SASH1: variants seen among roughly 807,000 people sequenced by gnomAD.
The protein encoded by SASH1 is SAM and SH3 domain-containing protein 1.
SASH1 carries 44 observed loss-of-function variants against 125.2 expected under a neutral mutation model. That is an observed-to-expected ratio of 0.35 (90% CI 0.28 to 0.45). The LOEUF (loss-of-function observed/expected upper bound fraction) is 0.45, where lower values mean the gene tolerates loss of function less well. Among genes scored for constraint, SASH1 ranks in the 20% least tolerant of loss-of-function variants. The pLI is 1.00. For missense variants in SASH1, 1,426 were observed against 1,614.5 expected (o/e 0.88, Z 2.00); for synonymous variants, 639 against 649.1 (o/e 0.98, Z 0.24).
In SASH1 at chr6:148,519,667, A is replaced by T; in HGVS notation, c.983A>T (p.Asp328Val). 6.2e-7 allele frequency: 1 copy of T among 1,613,936 alleles called. No individual in the cohort carries two copies. Among genetic ancestry groups the T allele is most frequent in the Non-Finnish European group, 8.5e-7 (1 of 1,179,988 alleles). Residue 328 changes from aspartate to valine, a missense_variant, in exon 10 of 20, where the codon GAC becomes GTC. This residue lies in a region of SASH1 where 567 missense variants were observed against 575.6 expected (regional missense o/e 0.99). Transcript: ENST00000367467. This position sits in a 1 kb window ranked among gnomAD's most constrained non-coding sequence, Gnocchi z 4.8. Reference sequence around the variant, plus strand: ...TCTCCTGAGAAACCTCCCGAAGATGACTCAGACTCTCTCACCACGTCTCCA... The same window carrying T: ...TCTCCTGAGAAACCTCCCGAAGATGTCTCAGACTCTCTCACCACGTCTCCA... ...DGSPEKPPED[D>V]SDSLTTSPSS...
the SASH1 span, among the ~76,000 whole-genome samples, chr6:148,243,578 G>A: frequency 6.7e-6 from 1 of 148,416 alleles, no homozygotes; most frequent in Non-Finnish European, 1.5e-5. Context: ...AGGAGGTGGA[G>A]GTTGCAGAGA....
chr6:148,534,633 T>C, intron 15 of SASH1, 118 bp from the exon 16 acceptor site: 1 of 984,418 alleles, frequency 1.0e-6, no homozygotes, highest in Non-Finnish European at 1.6e-6. Flanking sequence ...TTACTAATCT[T>C]TTGATTAGCC....
intron 1 of SASH1, among the ~76,000 whole-genome samples, chr6:148,337,665 A>G (rs921409049): frequency 6.6e-6 from 1 of 152,198 alleles, no homozygotes; most frequent in East Asian, 1.9e-4. Flanking sequence ...CCTGGCCCTA[A>G]GAACAAGTTT....
At chr6:148,502,381 T>A (rs1779593440) in intron 8 of SASH1, among the ~76,000 whole-genome samples, 1 of 152,210 alleles carries the variant, frequency 6.6e-6, no homozygotes, top group South Asian at 2.1e-4. Context: ...CACAGTGTGT[T>A]TCATATTTTC....
chr6:148,411,079 A>C (rs185582092), intron 2 of SASH1, among the ~76,000 whole-genome samples: 1 of 143,282 alleles, frequency 7.0e-6, no homozygotes, highest in Non-Finnish European at 1.5e-5. Context: ...GAATTGCTTG[A>C]ACCCAGGAGG....
At chr6:148,384,285 A>G (rs1783270456) in intron 1 of SASH1, among the ~76,000 whole-genome samples, 1 of 152,208 alleles carries the variant, frequency 6.6e-6, no homozygotes, top group African/African-American at 2.4e-5. Flanking sequence ...CTTAAGTTTA[A>G]TGCCAGAGAA....
At chr6:148,348,881 A>G (rs1024428369) in intron 1 of SASH1, among the ~76,000 whole-genome samples, 1 of 152,240 alleles carries the variant, frequency 6.6e-6, no homozygotes, top group East Asian at 1.9e-4. Context: ...CGCTGAGTAT[A>G]TACCCAACCT....
intron 7 of SASH1, among the ~76,000 whole-genome samples, chr6:148,478,412 A>AT (rs1778465870): frequency 1.3e-5 from 2 of 152,202 alleles, no homozygotes; most frequent in Non-Finnish European, 2.9e-5. Context: ...TATTAAGTGA[A>AT]ATAATCCAGG....
intron 1 of SASH1, among the ~76,000 whole-genome samples, chr6:148,301,372 T>C (rs1392468958): frequency 4.6e-5 from 7 of 151,192 alleles, no homozygotes; most frequent in Admixed American, 4.6e-4. Flanking sequence ...TTTAAGTGAT[T>C]CTCCTGCCTC....
chr6:148,259,912 A>C, the SASH1 span, among the ~76,000 whole-genome samples: 2 of 152,046 alleles, frequency 1.3e-5, no homozygotes, highest in African/African-American at 4.8e-5. Flanking sequence ...AAGAGACAGG[A>C]TCTCATTCTG....
chr6:148,468,836 C>A, intron 5 of SASH1: 1 of 356,624 alleles, frequency 2.8e-6, no homozygotes. Context: ...ACTGAATATT[C>A]TCTACGTTAA....
chr6:148,379,910 C>T lies in SASH1; in HGVS notation c.157-10224C>T, dbSNP rs1373776656. Reference sequence around the variant, plus strand: ...TTCCATCTATATCTGCACTCACCACCCCTCCCAGGCCCAGGATTTTAAAGC... The same window carrying T: ...TTCCATCTATATCTGCACTCACCACTCCTCCCAGGCCCAGGATTTTAAAGC... On this transcript the variant is annotated intron_variant, in intron 1 of 19. Transcript: ENST00000367467. 3 of 456,392 alleles carry T rather than the reference C, an allele frequency of 6.6e-6. No homozygotes were observed. The East Asian group carries it at 2.1e-4, about 32-fold the overall frequency. The allele number at this position is 456,392 out of a possible 1,614,324, so 28.3% of individuals were successfully genotyped here.
At chr6:148,220,863 G>A in the SASH1 span, among the ~76,000 whole-genome samples, 4 of 152,182 alleles carry the variant, frequency 2.6e-5, no homozygotes, top group African/African-American at 7.2e-5. Flanking sequence ...GCAGTGAGCC[G>A]AGGTCGTGCC....
intron 4 of SASH1, among the ~76,000 whole-genome samples, chr6:148,453,974 G>C (rs1371016144): frequency 6.6e-6 from 1 of 152,206 alleles, no homozygotes; most frequent in Non-Finnish European, 1.5e-5. Context: ...AGGTGAGGCT[G>C]TTCCTTCTGT....
At chr6:148,513,004 T>C (rs1459102584) in intron 8 of SASH1, 1 of 985,156 alleles carries the variant, frequency 1.0e-6, no homozygotes, top group Non-Finnish European at 1.2e-6. Context: ...ACTATCCTTG[T>C]ACTAATGTTC....
At chr6:148,374,712 G>GC (rs938677149) in intron 1 of SASH1, among the ~76,000 whole-genome samples, 11 of 151,586 alleles carry the variant, frequency 7.3e-5, no homozygotes, top group Admixed American at 7.2e-4. Flanking sequence ...TTTGGGGGGG[G>GC]GGGAGATGGA....
At chr6:148,222,005 AC>A in the SASH1 span, among the ~76,000 whole-genome samples, 1 of 152,090 alleles carries the variant, frequency 6.6e-6, no homozygotes, top group African/African-American at 2.4e-5. Flanking sequence ...AAACTGAAAA[AC>A]ATTCCTCTCT....
chr6:148,519,904 A>G lies in SASH1; in HGVS notation c.1209+11A>G. On this transcript the variant is annotated intron_variant, in intron 10 of 19. Transcript: ENST00000367467. The surrounding 1 kb of genome is among the most constrained non-coding windows in gnomAD (Gnocchi z 4.8). ...TCCCTAAGCCACGGGGTAAGTACGG[A>G]TGGTGTTTGCTTCTATGACAACCAC... The G allele has an allele frequency of 6.5e-7, 1 of 1,533,904 alleles. No homozygotes were observed. The highest frequency in any genetic ancestry group is 2.3e-4 in the Middle Eastern group (1 of 4,408).
At chr6:148,374,715 G>C (rs13216845) in intron 1 of SASH1, among the ~76,000 whole-genome samples, 3 of 150,736 alleles carry the variant, frequency 2.0e-5, no homozygotes, top group Admixed American at 2.0e-4. Context: ...GGGGGGGGGG[G>C]AGATGGAGTC....
Sources: gnomAD v4.1 joint callset for allele counts (sites outside exome capture counted in the v4.1 genomes callset) on GRCh38, gnomAD v4.1.1 for gene constraint, gnomAD v4.1.1 regional missense constraint, Gnocchi (gnomAD v3.1) non-coding constraint, MANE v1.5 for transcripts, NCBI Gene and HGNC (gene_info 2026-07-23, HGNC 2026-07-21) for gene names.